The following PRUNE1 variants were observed in gnomAD, a reference collection of about 807,000 sequenced individuals.
PRUNE1 encodes exopolyphosphatase PRUNE1.
In PRUNE1, 25 loss-of-function variants were observed where a neutral mutation model predicts 42.5. The ratio of observed to expected loss-of-function variants is 0.59; its 90% CI spans 0.43 to 0.82. PRUNE1 has a LOEUF of 0.82. PRUNE1 is among the 40% of genes least tolerant of loss of function. The pLI, the probability that PRUNE1 is intolerant of heterozygous loss-of-function variation, is 0.00. For synonymous variants in PRUNE1, 203 were observed against 217.1 expected (o/e 0.93, Z 0.57); for missense variants, 443 against 539.3 (o/e 0.82, Z 1.77).
chr1:151,034,311 C>T lies in PRUNE1; in HGVS notation c.*77C>T, dbSNP rs1675431965. Reference sequence around the variant, plus strand: ...GCATGTTTTGAGATGTTTGGAGATTCAGCAATTCTGTCTTCATTGCTCCAG... The same window carrying T: ...GCATGTTTTGAGATGTTTGGAGATTTAGCAATTCTGTCTTCATTGCTCCAG... On this transcript the variant is annotated 3_prime_UTR_variant, in exon 8 of 8. Transcript: ENST00000271620. The T allele has an allele frequency of 1.4e-6, 2 of 1,439,156 alleles. No homozygotes were observed. Among genetic ancestry groups the T allele is most frequent in the Non-Finnish European group, 9.5e-7 (1 of 1,052,522 alleles). 89.1% of individuals were successfully genotyped at this position (1,439,156 alleles called of 1,614,324 possible). A position where few individuals can be genotyped will look rare whatever the true frequency, so the allele number is the denominator to read the frequency against.
chr1:151,025,369 C>T, intron 4 of PRUNE1, 146 bp from the exon 5 acceptor site: 1 of 764,732 alleles, frequency 1.3e-6, no homozygotes, highest in Non-Finnish European at 2.0e-6. Context: ...AGGACACTGT[C>T]CATCCCAGTT....
chr1:151,012,854 C>T (rs956071908), intron 1 of PRUNE1, among the ~76,000 whole-genome samples: 2 of 151,678 alleles, frequency 1.3e-5, no homozygotes, highest in African/African-American at 2.4e-5. Context: ...TCACTGCAAC[C>T]TCCGCCTCCC....
rs587663967 is a variant in PRUNE1, at chr1:151,028,806, C to G, written c.795C>G (p.Asn265Lys). The G allele has an allele frequency of 6.2e-7, 1 of 1,614,086 alleles. No individual in the cohort carries two copies. Among genetic ancestry groups the G allele is most frequent in the Non-Finnish European group, 8.5e-7 (1 of 1,179,996 alleles). Residue 265 changes from asparagine (N) to lysine (K), a missense_variant, in exon 7 of 8, where the codon AAC (asparagine) becomes AAG (lysine). Coordinates refer to ENST00000271620, the MANE Select transcript of PRUNE1 (RefSeq NM_021222.3). ...MDLEAFLQRS[N>K]LLADLHAFCQ... is the part of the protein sequence containing the mutation. ...TTCAGGCCTTTCTGCAGAGGTCTAACCTCCTTGCAGATCTCCATGCTTTCT... is the reference window on the plus strand; with the variant it reads ...TTCAGGCCTTTCTGCAGAGGTCTAAGCTCCTTGCAGATCTCCATGCTTTCT...
At chr1:151,027,207 C>A in intron 5 of PRUNE1, 26 bp from the exon 6 acceptor site, 1 of 1,548,768 alleles carries the variant, frequency 6.5e-7, no homozygotes, top group Non-Finnish European at 8.9e-7. Context: ...CCCTGTTTGA[C>A]CCCTAGTCTC....
intron 1 of PRUNE1, among the ~76,000 whole-genome samples, chr1:151,012,903 G>C (rs1673861022): frequency 6.6e-6 from 1 of 151,940 alleles, no homozygotes; most frequent in African/African-American, 2.4e-5. Context: ...CTCTGGAGTA[G>C]CTGAGATTAC....
At chr1:151,022,092 GCAT>G (rs911814953) in intron 3 of PRUNE1, among the ~76,000 whole-genome samples, 16 of 149,742 alleles carry the variant, frequency 1.1e-4, no homozygotes, top group African/African-American at 3.5e-4. Context: ...CTGTGTAAAA[GCAT>G]CATTCCTGGC....
In PRUNE1 at chr1:151,025,553, AT is replaced by A; in HGVS notation, c.561del (p.Ile187MetfsTer15). On this transcript the variant is annotated frameshift_variant, in exon 5 of 8. Coordinates refer to ENST00000271620, the MANE Select transcript of PRUNE1 (RefSeq NM_021222.3). LOFTEE classifies it high-confidence loss of function. ...ILDCVNMDLK[I>X]GKATPKDSKY... ...GGACTGTGTCAACATGGACCTTAAA[AT>A]TGGAAAGGCAACCCCAAAGGACAGC... is the stretch of plus-strand genomic sequence containing the variant. The A allele has an allele frequency of 6.2e-7, 1 of 1,614,026 alleles. No individual in the cohort carries two copies. The highest frequency in any genetic ancestry group is 1.1e-5 in the South Asian group (1 of 91,078).
chr1:151,021,957 C>T (rs1391091862), intron 3 of PRUNE1, among the ~76,000 whole-genome samples: 1 of 150,238 alleles, frequency 6.7e-6, no homozygotes, highest in Non-Finnish European at 1.5e-5. Context: ...TATGAGCCAC[C>T]GTGCCACCAC....
At chr1:151,017,292 A>G (rs1383608731) in intron 1 of PRUNE1, among the ~76,000 whole-genome samples, 1 of 152,096 alleles carries the variant, frequency 6.6e-6, no homozygotes, top group African/African-American at 2.4e-5. Context: ...ACATTGAAGG[A>G]GATAGGAGGA....
intron 3 of PRUNE1, among the ~76,000 whole-genome samples, 163 bp downstream of exon 3, chr1:151,018,832 C>G (rs1201118103): frequency 6.6e-6 from 1 of 152,038 alleles, no homozygotes; most frequent in Non-Finnish European, 1.5e-5. Flanking sequence ...CACCTGAGAT[C>G]AGGATTTTGA....
At position 151,034,067 on chromosome 1, in the gene PRUNE1, A is replaced by T; in HGVS notation, c.1195A>T (p.Ser399Cys). ...RASNSLISGL[S>C]QDEEDPPLPP... ...AAGTAACTCCCTGATTTCTGGCCTG[A>T]GTCAAGATGAGGAGGACCCTCCGCT... The change falls in exon 8 of 8, where the codon AGT becomes TGT. Residue 399 changes from serine to cysteine, a missense_variant. Physicochemically the swap from Ser to Cys is moderately radical, Grantham distance 112 (BLOSUM62 -1). Transcript: ENST00000271620. The T allele has an allele frequency of 6.2e-7, 1 of 1,614,216 alleles. No individual in the cohort carries two copies. The highest frequency in any genetic ancestry group is 2.2e-5 in the East Asian group (1 of 44,876).
At chr1:151,020,214 A>G (rs1039234259) in intron 3 of PRUNE1, among the ~76,000 whole-genome samples, 1 of 143,884 alleles carries the variant, frequency 7.0e-6, no homozygotes, top group African/African-American at 2.5e-5. Flanking sequence ...TCTGACCACT[A>G]TAGCGAGACC....
rs1477791961 is a variant in PRUNE1, at chr1:151,027,330, A to T, written c.774+3A>T. The T allele has an allele frequency of 6.3e-7, 1 of 1,589,688 alleles. No homozygotes were observed. Among genetic ancestry groups the T allele is most frequent in the East Asian group, 2.2e-5 (1 of 44,672 alleles). On this transcript the variant is annotated splice_donor_region_variant and intron_variant, in intron 6 of 7. Transcript: ENST00000271620. ...GTGCAATATATATGGATTTGGAGGT[A>T]AGAGCAAGTTGTGGCTGTGGGTGGG...
At position 151,008,514 on chromosome 1, in the gene PRUNE1, C is replaced by G; in HGVS notation, c.-119C>G. On this transcript the variant is annotated 5_prime_UTR_variant, in exon 1 of 8. Transcript: ENST00000271620. ...GCCGTGTGGCGGGTTCGAGTCCCGC[C>G]TCCTGACTCTGGCCTCTAGTCCCTG... The G allele has an allele frequency of 2.2e-6, 3 of 1,374,102 alleles. No homozygotes were observed. Among genetic ancestry groups the G allele is most frequent in the East Asian group, 2.3e-5 (1 of 43,624 alleles). 85.1% of individuals were successfully genotyped at this position (1,374,102 alleles called of 1,614,324 possible).
At chr1:151,014,634 G>T (rs954344480) in intron 1 of PRUNE1, among the ~76,000 whole-genome samples, 1 of 152,060 alleles carries the variant, frequency 6.6e-6, no homozygotes, top group Admixed American at 6.6e-5. Context: ...TCTTTGCTAT[G>T]TGTTACTCCT....
At chr1:151,014,813 A>G (rs1162253619) in intron 1 of PRUNE1, among the ~76,000 whole-genome samples, 1 of 152,178 alleles carries the variant, frequency 6.6e-6, no homozygotes, top group Admixed American at 6.6e-5. Flanking sequence ...GTTTGTCACG[A>G]CTTAGGGTGC....
At position 151,008,499 on chromosome 1, in the gene PRUNE1, G is replaced by A. The variant is rs1673475226; in HGVS notation, c.-134G>A. ...GTCGGAGGCCGATTCGCCGTGTGGC[G>A]GGTTCGAGTCCCGCCTCCTGACTCT... On this transcript the variant is annotated 5_prime_UTR_variant, in exon 1 of 8. Transcript: ENST00000271620. 1 of 1,277,926 alleles carries A rather than the reference G, an allele frequency of 7.8e-7. No individual in the cohort carries two copies. 79.2% of individuals were successfully genotyped at this position (1,277,926 alleles called of 1,614,324 possible).
chr1:151,021,032 A>AG (rs1437584437), intron 3 of PRUNE1, among the ~76,000 whole-genome samples: 1 of 151,410 alleles, frequency 6.6e-6, no homozygotes, highest in Non-Finnish European at 1.5e-5. Context: ...TGTAAGTCCC[A>AG]GCTACTTGGG....
intron 1 of PRUNE1, among the ~76,000 whole-genome samples, chr1:151,012,892 C>T (rs1248245109): frequency 6.6e-6 from 1 of 152,072 alleles, no homozygotes; most frequent in Non-Finnish European, 1.5e-5. Context: ...CCTGCCTCAG[C>T]CTCTGGAGTA....
Sources: allele counts gnomAD v4.1 joint callset (sites outside exome capture counted in the v4.1 genomes callset), GRCh38; gene constraint gnomAD v4.1.1; transcripts MANE v1.5; gene names NCBI Gene and HGNC (gene_info 2026-07-23, HGNC 2026-07-21).